Variants in KCNT1 observed in about 807,000 individuals in gnomAD.
KCNT1 encodes potassium channel subfamily T member 1.
A neutral mutation model predicts 147.8 loss-of-function variants in KCNT1; 78 were observed. The observed-to-expected ratio is 0.53, with a 90% CI of 0.44 to 0.64. The LOEUF is 0.64. KCNT1 is among the 30% of genes least tolerant of loss of function. The pLI, the probability that KCNT1 is intolerant of heterozygous loss-of-function variation, is 0.00. For synonymous variants in KCNT1, 867 were observed against 748.8 expected, an observed-to-expected ratio of 1.16 and a Z score of -2.58; for missense variants, 1,419 against 1,750.3, an observed-to-expected ratio of 0.81 and a Z score of 3.38.
At chr9:135,704,064 C>T (rs574000155) in intron 1 of KCNT1, among the ~76,000 whole-genome samples, 29 of 152,342 alleles carry the variant, frequency 1.9e-4, no homozygotes, top group African/African-American at 4.8e-4. Context: ...CCAAGGCTTG[C>T]GGCCCAGGCA....
At chr9:135,772,001 AG>A (rs1249133633) in intron 18 of KCNT1, among the ~76,000 whole-genome samples, 3 of 152,152 alleles carry the variant, frequency 2.0e-5, no homozygotes, top group Non-Finnish European at 2.9e-5. Context: ...CAAGACCCAG[AG>A]GGCCCTGGGG....
intron 2 of KCNT1, among the ~76,000 whole-genome samples, chr9:135,715,507 C>T (rs1835686682): frequency 1.4e-5 from 2 of 142,706 alleles, no homozygotes; most frequent in African/African-American, 5.2e-5. Flanking sequence ...CGCTCCTCTT[C>T]CAGCGTGTAG....
rs372329806 is a variant in KCNT1 at position 135,752,644 on chromosome 9, C to T, written c.435-1293C>T. 5.7e-5 allele frequency among the ~76,000 whole-genome samples: 8 copies of T among 139,228 alleles called. No homozygotes were observed. The highest frequency in any genetic ancestry group is 2.2e-4 in the South Asian group (1 of 4,588). The allele number at this position is 139,228 out of a possible 152,430, so 91.3% of individuals were successfully genotyped here. On this transcript the variant is annotated intron_variant, in intron 4 of 30. Coordinates refer to ENST00000371757, the MANE Select transcript of KCNT1 (RefSeq NM_020822.3). This position sits in a 1 kb window ranked among gnomAD's most constrained non-coding sequence, Gnocchi z 5.1. Reference sequence around the variant, plus strand: ...GGTGGATGATGGATGGATGGACGGACGGACGGATGGACGGATGGATGGAGT... The same window carrying T: ...GGTGGATGATGGATGGATGGACGGATGGACGGATGGACGGATGGATGGAGT...
chr9:135,772,966 A>G lies in KCNT1; in HGVS notation c.2243+17A>G. 7.0e-7 allele frequency: 1 copy of G among 1,435,382 alleles called. No individual in the cohort carries two copies. The highest frequency in any genetic ancestry group is 9.1e-7 in the Non-Finnish European group (1 of 1,093,880). 88.9% of individuals were successfully genotyped at this position (1,435,382 alleles called of 1,614,324 possible). On this transcript the variant is annotated intron_variant, in intron 19 of 30. Coordinates refer to ENST00000371757, the MANE Select transcript of KCNT1 (RefSeq NM_020822.3). The stretch of plus-strand genomic sequence containing the variant: ...CGTGGTAGAGTGAGTGCTGCCTTGG[A>G]GACGGCTCCCAGTGGGGGGAGGAGC...
intron 19 of KCNT1, among the ~76,000 whole-genome samples, chr9:135,774,598 GTGTTGTGTGTTGTGTA>G (rs1564376788): frequency 1.3e-5 from 2 of 151,560 alleles, no homozygotes; most frequent in African/African-American, 2.4e-5. Flanking sequence ...TGTGTGGTAC[GTGTTGTGTGTTGTGTA>G]TGTTGTGTGT....
chr9:135,751,309 G>A (rs1457803319), intron 4 of KCNT1, among the ~76,000 whole-genome samples: 5 of 151,920 alleles, frequency 3.3e-5, no homozygotes, highest in Admixed American at 6.6e-5. Context: ...GAAGGTCCAC[G>A]GAAAGGCTGG....
At chr9:135,778,595 C>T (rs1317451331) in intron 22 of KCNT1, 93 bp from the exon 23 acceptor site, 3 of 1,601,808 alleles carry the variant, frequency 1.9e-6, no homozygotes, top group African/African-American at 2.7e-5. Context: ...GGGTGGGGGG[C>T]TGAGGTCCTC....
At chr9:135,722,149 C>T (rs752508178) in intron 2 of KCNT1, among the ~76,000 whole-genome samples, 2 of 152,124 alleles carry the variant, frequency 1.3e-5, no homozygotes, top group Non-Finnish European at 2.9e-5. Context: ...CCCCTGGGCC[C>T]AGGGCTGGCT....
intron 25 of KCNT1, 29 bp downstream of exon 25, chr9:135,784,154 G>A: frequency 6.4e-7 from 1 of 1,563,476 alleles, no homozygotes; most frequent in Non-Finnish European, 8.7e-7. Flanking sequence ...GCAGGAGGGT[G>A]GCGCCTGGGT....
intron 5 of KCNT1, among the ~76,000 whole-genome samples, chr9:135,754,199 C>T (rs920537617): frequency 1.3e-5 from 2 of 152,244 alleles, no homozygotes; most frequent in African/African-American, 4.8e-5. Context: ...GACAGAGGCT[C>T]ACACTGCCTG....
intron 11 of KCNT1, among the ~76,000 whole-genome samples, chr9:135,764,708 C>T (rs1472111104): frequency 3.9e-5 from 6 of 152,114 alleles, no homozygotes; most frequent in Admixed American, 3.3e-4. Context: ...CTGATTTGGC[C>T]ACGCTTACCA....
intron 28 of KCNT1, 187 bp downstream of exon 28, chr9:135,785,517 C>T (rs900520662): frequency 2.7e-6 from 2 of 734,748 alleles, no homozygotes; most frequent in South Asian, 1.6e-5. Context: ...ACACTCACTC[C>T]CTCCTGCACT....
rs867997957 is a variant in KCNT1 at position 135,707,063 on chromosome 9, T to A, written c.110+4695T>A. Among the ~76,000 whole-genome samples the A allele has an allele frequency of 2.0e-5, 3 of 151,068 alleles. No individual in the cohort carries two copies. The East Asian group carries it at 5.9e-4, about 30-fold the overall frequency. On this transcript the variant is annotated intron_variant, in intron 1 of 30. Coordinates refer to ENST00000371757, the MANE Select transcript of KCNT1 (RefSeq NM_020822.3). ...GCTTTTGGAGGCTAAGGCGGGAGGATTGTTTGAGGCCAGGAGTTGGAGACC... is the reference window on the plus strand; with the variant it reads ...GCTTTTGGAGGCTAAGGCGGGAGGAATGTTTGAGGCCAGGAGTTGGAGACC...
chr9:135,747,571 G>A (rs1194838921), intron 2 of KCNT1, among the ~76,000 whole-genome samples: 14 of 152,138 alleles, frequency 9.2e-5, no homozygotes, highest in East Asian at 1.9e-4. Context: ...AGAGAAAGAC[G>A]GCGGACAGAC....
chr9:135,787,000 T>C (rs867489982), intron 29 of KCNT1, among the ~76,000 whole-genome samples: 1 of 152,140 alleles, frequency 6.6e-6, no homozygotes, highest in Non-Finnish European at 1.5e-5. Context: ...GGACAGCGGA[T>C]ACCCAGGGTC....
chr9:135,724,335 C>T (rs1250525685), intron 2 of KCNT1, among the ~76,000 whole-genome samples: 1 of 152,238 alleles, frequency 6.6e-6, no homozygotes, highest in Non-Finnish European at 1.5e-5. Context: ...GCGTGCACTC[C>T]CATCCTGAGC....
At chr9:135,769,206 C>T (rs1187038356) in intron 15 of KCNT1, among the ~76,000 whole-genome samples, 17 of 117,686 alleles carry the variant, frequency 1.4e-4, no homozygotes, top group African/African-American at 3.9e-4. Context: ...GGTGACAGTG[C>T]ATCTGGGGCA....
rs1270931642 is a variant in KCNT1, at chr9:135,752,342, T to C, written c.434+1301T>C. The C allele has an allele frequency of 2.2e-6, 1 of 456,248 alleles. No homozygotes were observed. Among genetic ancestry groups the C allele is most frequent in the East Asian group, 6.9e-5 (1 of 14,402 alleles). 28.3% of individuals were successfully genotyped at this position (456,248 alleles called of 1,614,324 possible). A position where few individuals can be genotyped will look rare whatever the true frequency, so the allele number is the denominator to read the frequency against. The stretch of plus-strand genomic sequence containing the variant: ...CCTGGCATCCCCAGGCCAGAGACTT[T>C]CCCTCTCCTAAGAATGAACCTCCTG... On this transcript the variant is annotated intron_variant, in intron 4 of 30. Transcript: ENST00000371757. The surrounding 1 kb of genome is among the most constrained non-coding windows in gnomAD (Gnocchi z 5.1).
chr9:135,709,194 G>A lies in KCNT1; in HGVS notation c.111-5383G>A, dbSNP rs117503131. ...CCCACCTCTTCTTTAGGGTTCTGTG[G>A]AAAGCGGTCGTGTTTAGTTTTTAAA... is the stretch of plus-strand genomic sequence containing the variant. On this transcript the variant is annotated intron_variant, in intron 1 of 30. Transcript: ENST00000371757. 5.4e-3 allele frequency among the ~76,000 whole-genome samples: 829 copies of A among 152,290 alleles called. 4 individuals carry two copies. Among genetic ancestry groups the A allele is most frequent in the Non-Finnish European group, 9.0e-3 (614 of 68,036 alleles).
Sources: gnomAD v4.1 joint callset for allele counts (sites outside exome capture counted in the v4.1 genomes callset) on GRCh38, gnomAD v4.1.1 for gene constraint, Gnocchi (gnomAD v3.1) non-coding constraint, MANE v1.5 for transcripts, NCBI Gene and HGNC (gene_info 2026-07-23, HGNC 2026-07-21) for gene names.